CNTLN: variants seen among roughly 807,000 people sequenced by gnomAD.
CNTLN encodes the protein centlein, centrosomal protein.
A neutral mutation model predicts 180.0 loss-of-function variants in CNTLN; 212 were observed. The ratio of observed to expected loss-of-function variants is 1.18; its 90% CI spans 1.05 to 1.32. The LOEUF (loss-of-function observed/expected upper bound fraction) is 1.32. CNTLN is among the 40% of genes most tolerant of loss of function. CNTLN has a pLI of 0.00. For synonymous variants in CNTLN, 722 were observed against 563.1 expected, an observed-to-expected ratio of 1.28 and a Z score of -3.99; for missense variants, 2,095 against 1,610.9, an observed-to-expected ratio of 1.30 and a Z score of -5.14.
chr9:17,248,727 C>G (rs1825951496), intron 5 of CNTLN, among the ~76,000 whole-genome samples: 1 of 151,138 alleles, frequency 6.6e-6, no homozygotes, highest in African/African-American at 2.4e-5. Context: ...CTCTAACTAT[C>G]TAATAATCCA....
intron 14 of CNTLN, among the ~76,000 whole-genome samples, chr9:17,389,656 G>T (rs115512575): frequency 2.3e-3 from 356 of 152,040 alleles, no homozygotes; most frequent in African/African-American, 7.9e-3. Context: ...ATTTTAAAAG[G>T]TTATATATGA....
chr9:17,446,527 A>C (rs1830436931), intron 18 of CNTLN, among the ~76,000 whole-genome samples: 1 of 152,214 alleles, frequency 6.6e-6, no homozygotes, highest in South Asian at 2.1e-4. Flanking sequence ...AGTCTTCCTA[A>C]GAACTGATTC....
chr9:17,309,785 A>C (rs1188695388), intron 8 of CNTLN, among the ~76,000 whole-genome samples: 1 of 152,110 alleles, frequency 6.6e-6, no homozygotes, highest in Non-Finnish European at 1.5e-5. Flanking sequence ...CTTAGCATAT[A>C]GAAAATGTTA....
chr9:17,402,107 A>C (rs903901534), intron 15 of CNTLN, among the ~76,000 whole-genome samples: 3 of 151,886 alleles, frequency 2.0e-5, no homozygotes, highest in African/African-American at 7.3e-5. Flanking sequence ...GACAAGAACC[A>C]CATATAGACA....
intron 14 of CNTLN, among the ~76,000 whole-genome samples, chr9:17,390,233 C>T (rs533067073): frequency 5.5e-4 from 36 of 65,980 alleles, no homozygotes; most frequent in African/African-American, 1.6e-3. Context: ...TGAAAAGAGC[C>T]TCTTTTTTTT....
In CNTLN at chr9:17,264,004, T is replaced by C. The variant is rs889137239; in HGVS notation, c.850-9729T>C. On this transcript the variant is annotated intron_variant, in intron 5 of 25. Transcript: ENST00000380647. ...CCCATTTTGTAGGTTGCCTGTTCAC[T>C]CTGATGATAGTTTCTTTTGCTGTGC... is the stretch of plus-strand genomic sequence containing the variant. Among the ~76,000 whole-genome samples, 11 of 146,046 alleles carry C rather than the reference T, an allele frequency of 7.5e-5. No homozygotes were observed. In the East Asian group the frequency reaches 8.3e-4, roughly 11 times the overall value.
chr9:17,186,532 C>T (rs947333681), intron 2 of CNTLN, among the ~76,000 whole-genome samples: 2 of 152,206 alleles, frequency 1.3e-5, no homozygotes, highest in East Asian at 3.9e-4. Context: ...GAAATTCTTG[C>T]CAGGCCACCT....
chr9:17,201,994 A>G (rs934960540), intron 2 of CNTLN, among the ~76,000 whole-genome samples: 11 of 152,022 alleles, frequency 7.2e-5, no homozygotes, highest in African/African-American at 2.7e-4. Context: ...TTCCTTCTTA[A>G]CACTGCTTTA....
intron 7 of CNTLN, among the ~76,000 whole-genome samples, chr9:17,305,073 T>C (rs990729677): frequency 2.0e-5 from 3 of 152,180 alleles, no homozygotes; most frequent in Non-Finnish European, 4.4e-5. Context: ...AAATATCATT[T>C]AGTTCTTTAA....
the CNTLN span, among the ~76,000 whole-genome samples, chr9:17,517,028 A>C: frequency 1.4e-5 from 2 of 145,338 alleles, no homozygotes; most frequent in Non-Finnish European, 2.9e-5. Context: ...TGGGATCAAA[A>C]GGTATCTTGA....
intron 2 of CNTLN, among the ~76,000 whole-genome samples, chr9:17,147,040 A>G (rs191949883): frequency 1.1e-3 from 161 of 152,084 alleles, no homozygotes; most frequent in African/African-American, 3.6e-3. Flanking sequence ...GCCTTGCTTT[A>G]TATAGGTATG....
intron 18 of CNTLN, among the ~76,000 whole-genome samples, chr9:17,436,763 T>G (rs1434256702): frequency 6.6e-6 from 1 of 152,232 alleles, no homozygotes; most frequent in Non-Finnish European, 1.5e-5. Context: ...ATTGTTTTTT[T>G]CCTGTCAGGA....
intron 5 of CNTLN, among the ~76,000 whole-genome samples, chr9:17,252,845 C>A (rs1173160453): frequency 1.3e-5 from 2 of 151,488 alleles, no homozygotes; most frequent in Non-Finnish European, 3.0e-5. Context: ...TTGCCTAGAC[C>A]AATGTCTTGG....
At chr9:17,400,138 T>G (rs1344933721) in intron 15 of CNTLN, among the ~76,000 whole-genome samples, 1 of 152,050 alleles carries the variant, frequency 6.6e-6, no homozygotes, top group Non-Finnish European at 1.5e-5. Context: ...CTACCATTAT[T>G]TATTTATTTA....
chr9:17,385,104 A>G (rs1411793528), intron 13 of CNTLN, among the ~76,000 whole-genome samples: 2 of 152,196 alleles, frequency 1.3e-5, no homozygotes, highest in African/African-American at 4.8e-5. Context: ...TTGCTTGTTT[A>G]TTATAAAGGA....
intron 12 of CNTLN, among the ~76,000 whole-genome samples, chr9:17,362,163 C>A (rs142030758): frequency 0.011 from 1,727 of 152,288 alleles, 53 homozygotes; most frequent in Admixed American, 0.063. Flanking sequence ...CAAGAAATAA[C>A]TTTTCCAACA....
chr9:17,252,258 G>T (rs1033993801), intron 5 of CNTLN, among the ~76,000 whole-genome samples: 1 of 151,842 alleles, frequency 6.6e-6, no homozygotes, highest in African/African-American at 2.4e-5. Context: ...TAGATACCCA[G>T]TAGTGGGATT....
intron 25 of CNTLN, among the ~76,000 whole-genome samples, chr9:17,489,931 C>A (rs1283463469): frequency 1.3e-5 from 2 of 152,082 alleles, no homozygotes; most frequent in Non-Finnish European, 2.9e-5. Flanking sequence ...CCTTTAATTT[C>A]TTTGAACATT....
At chr9:17,329,289 A>ATTGTATT (rs1820494770) in intron 8 of CNTLN, among the ~76,000 whole-genome samples, 1 of 152,138 alleles carries the variant, frequency 6.6e-6, no homozygotes, top group South Asian at 2.1e-4. Context: ...GCCCAACCAA[A>ATTGTATT]GGAAATATTT....
Sources: allele counts gnomAD v4.1 joint callset (sites outside exome capture counted in the v4.1 genomes callset), GRCh38; gene constraint gnomAD v4.1.1; transcripts MANE v1.5; gene names NCBI Gene and HGNC (gene_info 2026-07-23, HGNC 2026-07-21).